Variants in ARFGEF3 observed in about 807,000 individuals in gnomAD.
ARFGEF3 encodes the protein ARFGEF family member 3.
In ARFGEF3, 96 loss-of-function variants were observed where a neutral mutation model predicts 221.7. The ratio of observed to expected loss-of-function variants is 0.43; its 90% CI spans 0.37 to 0.51. The LOEUF (loss-of-function observed/expected upper bound fraction) is 0.51, where lower values mean the gene tolerates loss of function less well. ARFGEF3 is among the 20% of genes least tolerant of loss of function. ARFGEF3 has a pLI of 0.00. For missense variants in ARFGEF3, 2,410 were observed against 2,789.9 expected (o/e 0.86, Z 3.07); for synonymous variants, 1,145 against 1,126.8 (o/e 1.02, Z -0.32).
chr6:138,305,555 G>A (rs186406493), intron 22 of ARFGEF3, among the ~76,000 whole-genome samples: 264 of 149,580 alleles, frequency 1.8e-3, no homozygotes, highest in African/African-American at 6.0e-3. Flanking sequence ...AGACTGCAGT[G>A]AGCCGTGATC....
At chr6:138,215,696 G>A (rs1279278298) in intron 4 of ARFGEF3, among the ~76,000 whole-genome samples, 6 of 152,080 alleles carry the variant, frequency 3.9e-5, no homozygotes, top group Non-Finnish European at 8.8e-5. Flanking sequence ...AGGCTAAGGA[G>A]GGGTAAAACT....
intron 1 of ARFGEF3, among the ~76,000 whole-genome samples, chr6:138,166,051 A>G (rs1776716713): frequency 6.6e-6 from 1 of 152,202 alleles, no homozygotes; most frequent in Non-Finnish European, 1.5e-5. Context: ...TAAAATTAAG[A>G]TGCTTCTTCA....
rs576282820 is a variant in ARFGEF3, at chr6:138,292,006, G to A, written c.3321G>A (p.Gly1107=). ...SDFRGGSLMS[G]SSAAKVVLTL... is the part of the protein sequence containing the mutation. ...TCCGCGGCGGGAGCCTCATGAGCGG[G>A]AGCAGCGCGGCCAAGGTGGTGCTCA... The change falls in exon 19 of 34, where the codon GGG becomes GGA. Residue 1107 remains glycine, a synonymous_variant. Transcript: ENST00000251691. 821 of 1,529,404 alleles carry A rather than the reference G, an allele frequency of 5.4e-4. No individual in the cohort carries two copies. The highest frequency in any genetic ancestry group is 7.0e-4 in the Non-Finnish European group (799 of 1,143,626). 94.7% of individuals were successfully genotyped at this position (1,529,404 alleles called of 1,614,324 possible). A position where few individuals can be genotyped will look rare whatever the true frequency, so the allele number is the denominator to read the frequency against.
chr6:138,271,059 C>T (rs148696686), intron 12 of ARFGEF3, among the ~76,000 whole-genome samples: 230 of 152,152 alleles, frequency 1.5e-3, no homozygotes, highest in African/African-American at 5.4e-3. Flanking sequence ...AGATGATAGG[C>T]GCCTCAAAGG....
rs71693484 is a variant in ARFGEF3, at chr6:138,186,902, C to CTTTTTT, written c.137+16214_137+16219dup. On this transcript the variant is annotated intron_variant, in intron 2 of 33. Coordinates refer to ENST00000251691, the MANE Select transcript of ARFGEF3 (RefSeq NM_020340.5). Reference sequence around the variant, plus strand: ...ACGAGTTATTCCTCTCATCCTTTTTCTTTTTTTTTTTTTTTTTTTTTTTTT... The same window carrying CTTTTTT: ...ACGAGTTATTCCTCTCATCCTTTTTCTTTTTTTTTTTTTTTTTTTTTTTTTTTTTTT... Among the ~76,000 whole-genome samples the CTTTTTT allele has an allele frequency of 4.1e-3, 312 of 76,046 alleles. 1 individual carries two copies. Among genetic ancestry groups the CTTTTTT allele is most frequent in the Non-Finnish European group, 5.0e-3 (213 of 42,846 alleles). The allele number at this position is 76,046 out of a possible 152,430, so 49.9% of individuals were successfully genotyped here. A position where few individuals can be genotyped will look rare whatever the true frequency, so the allele number is the denominator to read the frequency against.
At chr6:138,203,986 T>A (rs1777583541) in intron 2 of ARFGEF3, among the ~76,000 whole-genome samples, 1 of 152,112 alleles carries the variant, frequency 6.6e-6, no homozygotes, top group Admixed American at 6.5e-5. Context: ...TGCTTGCCTC[T>A]GCTATGACCT....
chr6:138,217,597 C>T (rs562076216), intron 4 of ARFGEF3: 5 of 163,124 alleles, frequency 3.1e-5, no homozygotes, highest in Non-Finnish European at 6.6e-5. Flanking sequence ...AGTTACTAAG[C>T]GAAAATTAGT....
At chr6:138,331,585 A>C (rs890339473) in intron 32 of ARFGEF3, among the ~76,000 whole-genome samples, 4 of 152,222 alleles carry the variant, frequency 2.6e-5, no homozygotes, top group African/African-American at 9.6e-5. Context: ...AATCCACATA[A>C]TCTTAATTAG....
intron 32 of ARFGEF3, among the ~76,000 whole-genome samples, chr6:138,332,507 G>A (rs1172093084): frequency 6.6e-6 from 1 of 152,074 alleles, no homozygotes; most frequent in African/African-American, 2.4e-5. Flanking sequence ...TGCATCCTGT[G>A]GTAGCTTTTG....
intron 8 of ARFGEF3, among the ~76,000 whole-genome samples, chr6:138,253,242 C>A (rs1048634172): frequency 9.2e-5 from 14 of 151,642 alleles, no homozygotes; most frequent in Admixed American, 7.9e-4. Context: ...ACAATAGGTT[C>A]AATATGATAA....
In ARFGEF3 at chr6:138,339,521, A is replaced by G. The variant is rs1780389543; in HGVS notation, c.*3035A>G. The stretch of plus-strand genomic sequence containing the variant: ...TTTTAGTTGCCTGTATTTATAGCCA[A>G]AAGTATATTACCTTAAAGTTGAGAT... On this transcript the variant is annotated 3_prime_UTR_variant, in exon 34 of 34. Coordinates refer to ENST00000251691, the MANE Select transcript of ARFGEF3 (RefSeq NM_020340.5). 6.6e-6 allele frequency: 1 copy of G among 152,220 alleles called. No homozygotes were observed. Among genetic ancestry groups the G allele is most frequent in the African/African-American group, 2.4e-5 (1 of 41,460 alleles). 9.4% of individuals were successfully genotyped at this position (152,220 alleles called of 1,614,324 possible). A position where few individuals can be genotyped will look rare whatever the true frequency, so the allele number is the denominator to read the frequency against.
chr6:138,316,384 A>T (rs1779926494), intron 26 of ARFGEF3, among the ~76,000 whole-genome samples: 1 of 152,220 alleles, frequency 6.6e-6, no homozygotes, highest in South Asian at 2.1e-4. Flanking sequence ...CCTCTTATAG[A>T]AATTTCAAAC....
intron 2 of ARFGEF3, among the ~76,000 whole-genome samples, chr6:138,178,067 A>G (rs1446635498): frequency 6.6e-6 from 1 of 152,122 alleles, no homozygotes; most frequent in East Asian, 1.9e-4. Flanking sequence ...GTTGATTTAA[A>G]TGCATTTGGA....
chr6:138,244,571 G>A (rs1778450941), intron 7 of ARFGEF3, among the ~76,000 whole-genome samples: 1 of 152,172 alleles, frequency 6.6e-6, no homozygotes, highest in African/African-American at 2.4e-5. Context: ...CTGCTTCTGT[G>A]GGAGTTTTGG....
chr6:138,186,921 T>C (rs1228211619), intron 2 of ARFGEF3, among the ~76,000 whole-genome samples: 2 of 138,176 alleles, frequency 1.4e-5, no homozygotes, highest in African/African-American at 2.8e-5. Context: ...TTTTTTTTTT[T>C]TTTTTTTTTT....
chr6:138,311,399 G>A lies in ARFGEF3; in HGVS notation c.4097-8G>A, dbSNP rs761241178. On this transcript the variant is annotated splice_polypyrimidine_tract_variant and splice_region_variant and intron_variant, in intron 24 of 33. Transcript: ENST00000251691. ...ACTGTTGGTCTCTGTCTCCCGTGCC[G>A]CCCCTAGGGGAGGTGGACTGTAAAG... 6.5e-5 allele frequency: 103 copies of A among 1,587,100 alleles called. 2 individuals carry two copies. In the Middle Eastern group the frequency reaches 0.011, roughly 175 times the overall value.
chr6:138,230,493 A>G (rs1408240602), intron 5 of ARFGEF3, among the ~76,000 whole-genome samples: 3 of 152,352 alleles, frequency 2.0e-5, no homozygotes, highest in Middle Eastern at 3.4e-3. Context: ...CTTGAAAAGA[A>G]TATCTACAGG....
At chr6:138,193,222 G>T (rs1367209878) in intron 2 of ARFGEF3, among the ~76,000 whole-genome samples, 2 of 152,164 alleles carry the variant, frequency 1.3e-5, no homozygotes, top group Non-Finnish European at 2.9e-5. Flanking sequence ...ATTTGGGAAT[G>T]TCCTTTTCTT....
rs1021345903 is a variant in ARFGEF3 at position 138,168,450 on chromosome 6, A to G, written c.86-2212A>G. ...GTAGGAAGTGAGGACCAGATCATGA[A>G]AGTCCTTGTTGGGCTCTCTAAGGAT... On this transcript the variant is annotated intron_variant, in intron 1 of 33. Coordinates refer to ENST00000251691, the MANE Select transcript of ARFGEF3 (RefSeq NM_020340.5). Among the ~76,000 whole-genome samples the G allele has an allele frequency of 9.8e-5, 15 of 152,302 alleles. 1 individual carries two copies. The highest frequency in any genetic ancestry group is 2.6e-4 in the Admixed American group (4 of 15,308).
Sources: allele counts gnomAD v4.1 joint callset (sites outside exome capture counted in the v4.1 genomes callset), GRCh38; gene constraint gnomAD v4.1.1; transcripts MANE v1.5; gene names NCBI Gene and HGNC (gene_info 2026-07-23, HGNC 2026-07-21).